Variants in PCDH15 observed in about 807,000 individuals in gnomAD.
The protein encoded by PCDH15 is protocadherin related 15.
A neutral mutation model predicts 178.5 loss-of-function variants in PCDH15; 129 were observed. The observed-to-expected ratio is 0.72, with a 90% CI of 0.63 to 0.84. The LOEUF (loss-of-function observed/expected upper bound fraction) is 0.84, where lower values mean the gene tolerates loss of function less well. Ranked by LOEUF, PCDH15 falls within the 40% of genes least tolerant of loss-of-function variation. The probability of loss-of-function intolerance (pLI) is 0.00; values close to 1 mark genes in which losing one functional copy is unlikely to be tolerated. For missense variants in PCDH15, 2,230 were observed against 2,099.9 expected, an observed-to-expected ratio of 1.06 and a Z score of -1.21; for synonymous variants, 800 against 732.0, an observed-to-expected ratio of 1.09 and a Z score of -1.50.
intron 6 of PCDH15, 77 bp downstream of exon 6, chr10:54,346,288 A>G: frequency 7.2e-7 from 1 of 1,385,756 alleles, no homozygotes; most frequent in South Asian, 1.2e-5. Flanking sequence ...ACTGAATAAT[A>G]CAATAACTAT....
chr10:55,234,864 T>C (rs934174217), intron 1 of PCDH15, among the ~76,000 whole-genome samples: 1 of 151,764 alleles, frequency 6.6e-6, no homozygotes, highest in African/African-American at 2.4e-5. Flanking sequence ...TGTCAAAAGT[T>C]TTATATATTA....
chr10:55,607,579 TGAG>T (rs1348664893), intron 2 of PCDH15, among the ~76,000 whole-genome samples: 1 of 147,350 alleles, frequency 6.8e-6, no homozygotes, highest in African/African-American at 2.5e-5. Context: ...TAAAAATTGA[TGAG>T]TTCATGTCCT....
intron 1 of PCDH15, among the ~76,000 whole-genome samples, chr10:55,307,622 C>T (rs894574474): frequency 4.6e-5 from 7 of 151,666 alleles, no homozygotes; most frequent in African/African-American, 1.7e-4. Flanking sequence ...TCTTCTCTCT[C>T]TCTCTGCCTC....
intron 3 of PCDH15, among the ~76,000 whole-genome samples, chr10:54,383,748 C>T (rs1049921016): frequency 2.0e-5 from 3 of 150,660 alleles, no homozygotes; most frequent in African/African-American, 7.3e-5. Context: ...AGTATAGAAT[C>T]TAATCAGGCA....
At chr10:53,997,668 T>A (rs1289739625) in intron 20 of PCDH15, among the ~76,000 whole-genome samples, 1 of 152,214 alleles carries the variant, frequency 6.6e-6, no homozygotes, top group African/African-American at 2.4e-5. Context: ...CAGTGTTGAA[T>A]ATGATGAACT....
At chr10:54,679,937 G>A (rs1347335246) in intron 1 of PCDH15, among the ~76,000 whole-genome samples, 1 of 152,126 alleles carries the variant, frequency 6.6e-6, no homozygotes, top group Non-Finnish European at 1.5e-5. Flanking sequence ...GATAAAGAAT[G>A]TTTGTCTAAG....
chr10:54,254,132 CT>C (rs1486983478), intron 8 of PCDH15, among the ~76,000 whole-genome samples: 2 of 152,042 alleles, frequency 1.3e-5, no homozygotes, highest in East Asian at 3.9e-4. Context: ...TAAACTCTAT[CT>C]GTTTCTTGGT....
At chr10:53,986,165 C>A (rs77799773) in intron 21 of PCDH15, among the ~76,000 whole-genome samples, 3,530 of 148,756 alleles carry the variant, frequency 0.024, 129 homozygotes, top group African/African-American at 0.08. Flanking sequence ...ATAACTTTTT[C>A]AAAAAAAAAC....
chr10:53,876,835 T>C (rs991176603), intron 26 of PCDH15, among the ~76,000 whole-genome samples: 2 of 152,238 alleles, frequency 1.3e-5, no homozygotes, highest in Non-Finnish European at 2.9e-5. Context: ...ATACAACTCA[T>C]TGTAGAAACA....
intron 23 of PCDH15, among the ~76,000 whole-genome samples, chr10:53,950,599 C>A (rs938702886): frequency 1.3e-5 from 2 of 152,080 alleles, no homozygotes; most frequent in Non-Finnish European, 2.9e-5. Flanking sequence ...ACGTGTTGAC[C>A]TTTTCATGAT....
chr10:54,254,155 A>T (rs2056724774), intron 8 of PCDH15, among the ~76,000 whole-genome samples: 1 of 152,102 alleles, frequency 6.6e-6, no homozygotes, highest in Non-Finnish European at 1.5e-5. Context: ...TTTAAAATTG[A>T]ATAAAGAATA....
At chr10:55,243,908 C>T (rs1296572109) in intron 1 of PCDH15, among the ~76,000 whole-genome samples, 1 of 152,064 alleles carries the variant, frequency 6.6e-6, no homozygotes, top group East Asian at 1.9e-4. Flanking sequence ...TCTCACTTAG[C>T]TTGTCATTTG....
intron 2 of PCDH15, among the ~76,000 whole-genome samples, chr10:55,564,071 G>T (rs1366221715): frequency 2.0e-5 from 3 of 151,712 alleles, no homozygotes; most frequent in African/African-American, 7.3e-5. Flanking sequence ...ATTTTCCACA[G>T]ACTTCAAGAG....
intron 3 of PCDH15, among the ~76,000 whole-genome samples, chr10:54,810,372 G>A (rs1403301466): frequency 6.6e-6 from 1 of 152,078 alleles, no homozygotes; most frequent in African/African-American, 2.4e-5. Flanking sequence ...TACAGGAGTA[G>A]GATGCGTGGA....
At chr10:55,286,077 C>T (rs1842861763) in intron 1 of PCDH15, among the ~76,000 whole-genome samples, 1 of 151,934 alleles carries the variant, frequency 6.6e-6, no homozygotes, top group South Asian at 2.1e-4. Flanking sequence ...TTAAGATTCA[C>T]ATGACAATAA....
intron 18 of PCDH15, among the ~76,000 whole-genome samples, chr10:54,058,808 C>T (rs957372966): frequency 1.3e-5 from 2 of 151,938 alleles, no homozygotes; most frequent in Non-Finnish European, 2.9e-5. Flanking sequence ...ATTCTCCTGC[C>T]TCAGCCTTCC....
Position 55,107,471 on chromosome 10 carries a change from TGTA to T in PCDH15, c.-80+59102_-80+59104del, listed in dbSNP as rs1837380744. Among the ~76,000 whole-genome samples the T allele has an allele frequency of 1.6e-4, 24 of 151,046 alleles. No individual in the cohort carries two copies. The South Asian group carries it at 5.0e-3, about 32-fold the overall frequency. On this transcript the variant is annotated intron_variant, in intron 2 of 5. Coordinates refer to the PCDH15 transcript ENST00000458638. ...ATAGAAATAGATAAAATACAATTAC[TGTA>T]TTCTCTTTCCTTTTTTTTTTTTTTT...
intron 29 of PCDH15, among the ~76,000 whole-genome samples, chr10:53,831,955 A>G (rs2077040485): frequency 6.6e-6 from 1 of 152,188 alleles, no homozygotes; most frequent in Admixed American, 6.5e-5. Flanking sequence ...ATCAAACATT[A>G]CAATACTGAT....
chr10:55,121,365 G>A (rs571301559), intron 2 of PCDH15, among the ~76,000 whole-genome samples: 7 of 149,298 alleles, frequency 4.7e-5, no homozygotes, highest in African/African-American at 1.7e-4. Context: ...AGCTGGGGGG[G>A]GGCAATTTGC....
Sources: allele counts gnomAD v4.1 joint callset (sites outside exome capture counted in the v4.1 genomes callset), GRCh38; gene constraint gnomAD v4.1.1; transcripts MANE v1.5; gene names NCBI Gene and HGNC (gene_info 2026-07-23, HGNC 2026-07-21).